CPHXL2: variants seen among roughly 807,000 people sequenced by gnomAD.
CPHXL2 encodes the protein cytoplasmic polyadenylated homeobox like 2, also known as cytoplasmic polyadenylated homeobox-like protein 2.
chr16:75,669,575 G>A, the CPHXL2 span: 2 of 398,722 alleles, frequency 5.0e-6, no homozygotes, highest in Non-Finnish European at 8.8e-6. Context: ...AGTATAAGTA[G>A]CGAGAAGAGC....
the CPHXL2 span, among the ~76,000 whole-genome samples, chr16:75,673,662 G>A: frequency 2.6e-5 from 4 of 151,982 alleles, no homozygotes; most frequent in African/African-American, 4.8e-5. Flanking sequence ...GCTGATTCTA[G>A]GTCTGGGGCA....
chr16:75,660,301 C>T, the CPHXL2 span: 32 of 398,384 alleles, frequency 8.0e-5, no homozygotes, highest in African/African-American at 1.6e-4. Context: ...GTGGCAGGCC[C>T]GTGTAGACCC....
At chr16:75,672,091 G>T in the CPHXL2 span, among the ~76,000 whole-genome samples, 1 of 150,798 alleles carries the variant, frequency 6.6e-6, no homozygotes, top group Non-Finnish European at 1.5e-5. Context: ...GGCCAACATG[G>T]TGAAACCGTC....
At chr16:75,676,890 T>C in the CPHXL2 span, 1 of 398,274 alleles carries the variant, frequency 2.5e-6, no homozygotes, top group Non-Finnish European at 4.4e-6. Flanking sequence ...ATCTTCACTA[T>C]TATAAGGTAA....
chr16:75,673,309 C>T, the CPHXL2 span, among the ~76,000 whole-genome samples: 2 of 151,920 alleles, frequency 1.3e-5, no homozygotes, highest in Admixed American at 1.3e-4. Flanking sequence ...GAGGCACATG[C>T]CTGTGGTCCC....
the CPHXL2 span, among the ~76,000 whole-genome samples, chr16:75,670,686 A>T: frequency 6.6e-6 from 1 of 151,924 alleles, no homozygotes; most frequent in Non-Finnish European, 1.5e-5. Context: ...AGCAGAAATG[A>T]GGTTTCCCCA....
chr16:75,672,139 C>T, the CPHXL2 span, among the ~76,000 whole-genome samples: 4 of 151,518 alleles, frequency 2.6e-5, no homozygotes, highest in Non-Finnish European at 5.9e-5. Context: ...ATCAGCTGGT[C>T]ATGGTGGCGG....
the CPHXL2 span, among the ~76,000 whole-genome samples, chr16:75,667,813 A>G: frequency 2.0e-5 from 3 of 152,262 alleles, no homozygotes; most frequent in East Asian, 5.8e-4. Flanking sequence ...TCCAAAATGT[A>G]AACTTTGATT....
chr16:75,663,747 A>G, the CPHXL2 span, among the ~76,000 whole-genome samples: 66,654 of 151,734 alleles, frequency 0.44, 18,117 homozygotes, highest in East Asian at 0.86. Context: ...TTAGCCGGGC[A>G]TGGTGGCGGG....
At chr16:75,660,919 G>C in the CPHXL2 span, 1 of 398,662 alleles carries the variant, frequency 2.5e-6, no homozygotes, top group Non-Finnish European at 4.4e-6. Flanking sequence ...CCCACCTGTT[G>C]ACTGGGAATC....
the CPHXL2 span, among the ~76,000 whole-genome samples, chr16:75,670,657 A>G: frequency 1.3e-5 from 2 of 152,036 alleles, no homozygotes; most frequent in African/African-American, 2.4e-5. Context: ...TACCACCCTC[A>G]GCTAATTTTT....
the CPHXL2 span, among the ~76,000 whole-genome samples, chr16:75,662,883 C>A: frequency 6.6e-6 from 1 of 150,546 alleles, no homozygotes; most frequent in Non-Finnish European, 1.5e-5. Flanking sequence ...ACTTCAAGCT[C>A]CGCCTCCCAG....
At chr16:75,666,039 C>T in the CPHXL2 span, among the ~76,000 whole-genome samples, 2 of 152,276 alleles carry the variant, frequency 1.3e-5, no homozygotes, top group Admixed American at 6.5e-5. Flanking sequence ...TCAAGAGACT[C>T]ACCTAACATG....
At chr16:75,668,490 G>A in the CPHXL2 span, among the ~76,000 whole-genome samples, 4 of 152,140 alleles carry the variant, frequency 2.6e-5, no homozygotes, top group Non-Finnish European at 5.9e-5. Context: ...GCCTCCCAAA[G>A]TGCTAGGATT....
At chr16:75,668,649 G>A in the CPHXL2 span, among the ~76,000 whole-genome samples, 13 of 152,118 alleles carry the variant, frequency 8.5e-5, no homozygotes, top group African/African-American at 3.1e-4. Flanking sequence ...TGCTGGGCAT[G>A]TCCTCTCATG....
chr16:75,673,075 CAAAAAAAAAA>C, the CPHXL2 span, among the ~76,000 whole-genome samples: 2 of 73,186 alleles, frequency 2.7e-5, no homozygotes, highest in Non-Finnish European at 5.0e-5. Context: ...GACCTTGTCT[CAAAAAAAAAA>C]AAAAAAAAAA....
chr16:75,672,688 T>C, the CPHXL2 span, among the ~76,000 whole-genome samples: 3 of 152,068 alleles, frequency 2.0e-5, no homozygotes, highest in Admixed American at 2.0e-4. Context: ...CTTCACCATG[T>C]TGACCAGGCT....
chr16:75,672,454 A>C, the CPHXL2 span, among the ~76,000 whole-genome samples: 1 of 151,656 alleles, frequency 6.6e-6, no homozygotes, highest in African/African-American at 2.4e-5. Flanking sequence ...TGCCGGGTGG[A>C]GTGGCTCACA....
the CPHXL2 span, chr16:75,660,895 A>G: frequency 2.0e-5 from 8 of 398,586 alleles, 1 homozygote; most frequent in Admixed American, 4.4e-5. Flanking sequence ...GCGACCAGAT[A>G]GGAGCACTGG....
Sources: gnomAD v4.1 joint callset for allele counts (sites outside exome capture counted in the v4.1 genomes callset) on GRCh38, gnomAD v4.1.1 for gene constraint, MANE v1.5 for transcripts, NCBI Gene and HGNC (gene_info 2026-07-23, HGNC 2026-07-21) for gene names.